KCNIP3: variants seen among roughly 807,000 people sequenced by gnomAD.
KCNIP3 encodes potassium voltage-gated channel interacting protein 3.
Under a neutral mutation model 35.0 loss-of-function variants are expected in KCNIP3, and 28 were observed. That is an observed-to-expected ratio of 0.80 (90% CI 0.59 to 1.10). KCNIP3 has a LOEUF of 1.10. KCNIP3 is among the 50% of genes least tolerant of loss of function. The pLI is 0.00. For missense variants in KCNIP3, 295 were observed against 338.4 expected, an observed-to-expected ratio of 0.87 and a Z score of 1.01; for synonymous variants, 134 against 133.8, an observed-to-expected ratio of 1.00 and a Z score of -0.01.
chr2:95,339,516 G>C (rs1198779463), intron 2 of KCNIP3, among the ~76,000 whole-genome samples: 2 of 152,200 alleles, frequency 1.3e-5, no homozygotes, highest in South Asian at 4.2e-4. Context: ...CTCAGGAGGC[G>C]GAGGTCACAG....
At chr2:95,329,959 C>T (rs2104243184) in intron 2 of KCNIP3, among the ~76,000 whole-genome samples, 1 of 152,380 alleles carries the variant, frequency 6.6e-6, no homozygotes, top group Non-Finnish European at 1.5e-5. Flanking sequence ...CTCTCGTCCC[C>T]TCTGCCGGAG....
intron 5 of KCNIP3, among the ~76,000 whole-genome samples, chr2:95,375,793 T>C (rs1362825590): frequency 2.0e-5 from 3 of 152,032 alleles, no homozygotes; most frequent in East Asian, 1.9e-4. Context: ...CACAGGATCA[T>C]TGGAGAGAGG....
intron 2 of KCNIP3, among the ~76,000 whole-genome samples, chr2:95,374,081 G>A (rs1260334944): frequency 6.6e-6 from 1 of 152,236 alleles, no homozygotes; most frequent in African/African-American, 2.4e-5. Flanking sequence ...GGGGAGGCCC[G>A]CCCTGTGGGG....
At chr2:95,339,307 C>T (rs1170618459) in intron 2 of KCNIP3, among the ~76,000 whole-genome samples, 2 of 152,100 alleles carry the variant, frequency 1.3e-5, no homozygotes, top group East Asian at 3.9e-4. Flanking sequence ...AGGCCAGGCA[C>T]GGTGGCTCAC....
At chr2:95,312,597 A>C (rs889142222) in intron 2 of KCNIP3, 2 of 152,334 alleles carry the variant, frequency 1.3e-5, no homozygotes, top group Admixed American at 6.5e-5. Flanking sequence ...CACTGGGAGC[A>C]GATGTGAACG....
intron 1 of KCNIP3, among the ~76,000 whole-genome samples, chr2:95,300,527 C>T (rs115716782): frequency 0.015 from 2,275 of 152,326 alleles, 69 homozygotes; most frequent in African/African-American, 0.051. Flanking sequence ...GAAGTTAGCA[C>T]GTCTTTCTGG....
intron 1 of KCNIP3, among the ~76,000 whole-genome samples, chr2:95,304,893 C>T (rs1169012426): frequency 1.3e-5 from 2 of 152,058 alleles, no homozygotes; most frequent in African/African-American, 4.8e-5. Context: ...CTACAGATCT[C>T]GGCCACCAGG....
chr2:95,380,187 A>T (rs1307085140), intron 5 of KCNIP3, among the ~76,000 whole-genome samples: 1 of 151,920 alleles, frequency 6.6e-6, no homozygotes, highest in Non-Finnish European at 1.5e-5. Flanking sequence ...TTGCTTTCTT[A>T]TTTTTAATTT....
At chr2:95,379,868 TG>T (rs1304805841) in intron 5 of KCNIP3, among the ~76,000 whole-genome samples, 1 of 152,218 alleles carries the variant, frequency 6.6e-6, no homozygotes, top group Non-Finnish European at 1.5e-5. Context: ...GCACCCAATT[TG>T]CTGAAATTTC....
chr2:95,333,668 T>A (rs1678988968), intron 2 of KCNIP3, among the ~76,000 whole-genome samples: 1 of 152,206 alleles, frequency 6.6e-6, no homozygotes, highest in Non-Finnish European at 1.5e-5. Context: ...TGATACTATG[T>A]CAGTGAGTGC....
At chr2:95,372,049 C>T (rs1273088078) in intron 2 of KCNIP3, among the ~76,000 whole-genome samples, 2 of 152,166 alleles carry the variant, frequency 1.3e-5, no homozygotes, top group Non-Finnish European at 2.9e-5. Flanking sequence ...AGGTGATCCA[C>T]CCACCTCAGC....
Position 95,382,772 on chromosome 2 carries a change from C to T in KCNIP3, c.660+291C>T, listed in dbSNP as rs757257100. ...GAGCTGTGTGGCTCCTCCAGGAAGA[C>T]GCTCTGGGAGAGGAGCAGGTTGGGG... On this transcript the variant is annotated intron_variant, in intron 7 of 8. Transcript: ENST00000295225. The surrounding 1 kb of genome is among the most constrained non-coding windows in gnomAD (Gnocchi z 4.5). Among the ~76,000 whole-genome samples, 19 of 152,328 alleles carry T rather than the reference C, an allele frequency of 1.2e-4. No homozygotes were observed. The highest frequency in any genetic ancestry group is 1.7e-4 in the African/African-American group (7 of 41,580).
intron 1 of KCNIP3, among the ~76,000 whole-genome samples, chr2:95,301,487 AC>A (rs1678025734): frequency 6.6e-6 from 1 of 152,184 alleles, no homozygotes; most frequent in Admixed American, 6.5e-5. Context: ...GTGTCCTCTG[AC>A]AGGTTACTTA....
At chr2:95,339,017 G>A (rs1205424265) in intron 2 of KCNIP3, among the ~76,000 whole-genome samples, 2 of 152,214 alleles carry the variant, frequency 1.3e-5, no homozygotes, top group Non-Finnish European at 2.9e-5. Flanking sequence ...ACACAGCCTG[G>A]AGCCTTTGTA....
chr2:95,374,760 G>A, intron 3 of KCNIP3, 88 bp from the exon 4 acceptor site: 2 of 1,461,786 alleles, frequency 1.4e-6, no homozygotes, highest in Non-Finnish European at 1.9e-6. Flanking sequence ...GCCCCCAAGG[G>A]GGTGGAGAGA....
chr2:95,372,148 T>C (rs1680055606), intron 2 of KCNIP3, among the ~76,000 whole-genome samples: 1 of 152,188 alleles, frequency 6.6e-6, no homozygotes. Context: ...GTAAACAGGA[T>C]ATAATTGGAT....
chr2:95,320,182 G>C (rs1573487349), intron 2 of KCNIP3, among the ~76,000 whole-genome samples: 1 of 152,192 alleles, frequency 6.6e-6, no homozygotes, highest in Non-Finnish European at 1.5e-5. Flanking sequence ...ACCACTGCCT[G>C]CTGCCAAGGT....
At chr2:95,360,318 A>G (rs1045744781) in intron 2 of KCNIP3, among the ~76,000 whole-genome samples, 4 of 152,084 alleles carry the variant, frequency 2.6e-5, no homozygotes, top group African/African-American at 7.2e-5. Context: ...TTATTCCTCA[A>G]TTCCCTCTGA....
chr2:95,359,995 TC>T (rs1679752170), intron 2 of KCNIP3, among the ~76,000 whole-genome samples: 1 of 152,242 alleles, frequency 6.6e-6, no homozygotes, highest in African/African-American at 2.4e-5. Context: ...GCTTGGAATA[TC>T]CTGAAATGCC....
Sources: gnomAD v4.1 joint callset for allele counts (sites outside exome capture counted in the v4.1 genomes callset) on GRCh38, gnomAD v4.1.1 for gene constraint, Gnocchi (gnomAD v3.1) non-coding constraint, MANE v1.5 for transcripts, NCBI Gene and HGNC (gene_info 2026-07-23, HGNC 2026-07-21) for gene names.